CNTNAP5: variants seen among roughly 807,000 people sequenced by gnomAD.
CNTNAP5 encodes contactin-associated protein-like 5.
CNTNAP5 carries 72 observed loss-of-function variants against 150.2 expected under a neutral mutation model. The ratio of observed to expected loss-of-function variants is 0.48; its 90% CI spans 0.40 to 0.58. CNTNAP5 has a LOEUF of 0.58. Among genes scored for constraint, CNTNAP5 ranks in the 20% least tolerant of loss-of-function variants. The pLI is 0.00. For missense variants in CNTNAP5, 1,636 were observed against 1,626.2 expected, an observed-to-expected ratio of 1.01 and a Z score of -0.10; for synonymous variants, 672 against 619.8, an observed-to-expected ratio of 1.08 and a Z score of -1.25.
intron 10 of CNTNAP5, among the ~76,000 whole-genome samples, chr2:124,543,841 G>A (rs1235906226): frequency 6.6e-6 from 1 of 151,984 alleles, no homozygotes; most frequent in African/African-American, 2.4e-5. Flanking sequence ...GAATATAGAA[G>A]ATATATATTT....
chr2:124,121,039 A>G (rs749975911), intron 1 of CNTNAP5, among the ~76,000 whole-genome samples: 16 of 151,908 alleles, frequency 1.1e-4, no homozygotes, highest in Admixed American at 5.2e-4. Flanking sequence ...GATTTGGATC[A>G]CTCAGGAGGT....
intron 17 of CNTNAP5, among the ~76,000 whole-genome samples, chr2:124,788,879 C>T (rs901786708): frequency 1.3e-5 from 2 of 152,064 alleles, no homozygotes; most frequent in African/African-American, 2.4e-5. Context: ...ATGATCAGCC[C>T]GTCTTGGCCT....
chr2:124,880,965 G>T (rs1015382565), intron 21 of CNTNAP5, among the ~76,000 whole-genome samples: 1 of 152,196 alleles, frequency 6.6e-6, no homozygotes, highest in African/African-American at 2.4e-5. Flanking sequence ...GTGTGAACCA[G>T]GTAAGACTGT....
At chr2:124,663,476 G>A (rs1208431828) in intron 13 of CNTNAP5, among the ~76,000 whole-genome samples, 2 of 152,146 alleles carry the variant, frequency 1.3e-5, no homozygotes, top group Admixed American at 6.5e-5. Flanking sequence ...CAAAGTTGCC[G>A]ACACTGTAAA....
chr2:124,305,588 C>G (rs913764641), intron 3 of CNTNAP5, among the ~76,000 whole-genome samples: 1 of 152,142 alleles, frequency 6.6e-6, no homozygotes, highest in African/African-American at 2.4e-5. Flanking sequence ...CCCAGTGCAA[C>G]AGTGTTGAAA....
At chr2:124,429,726 A>G (rs1462918191) in intron 4 of CNTNAP5, among the ~76,000 whole-genome samples, 1 of 152,194 alleles carries the variant, frequency 6.6e-6, no homozygotes, top group Admixed American at 6.5e-5. Context: ...TGCACCAATA[A>G]GCATGTGTGA....
chr2:124,595,187 G>A (rs1265783576), intron 11 of CNTNAP5, among the ~76,000 whole-genome samples: 10 of 143,016 alleles, frequency 7.0e-5, no homozygotes, highest in South Asian at 2.4e-4. Flanking sequence ...GAATAGGAGC[G>A]GTGAGAGAGG....
chr2:124,570,009 A>T (rs1366371901), intron 11 of CNTNAP5, among the ~76,000 whole-genome samples: 1 of 152,198 alleles, frequency 6.6e-6, no homozygotes, highest in African/African-American at 2.4e-5. Flanking sequence ...CTTTGGTGGC[A>T]TATAGGCTAT....
intron 3 of CNTNAP5, among the ~76,000 whole-genome samples, chr2:124,386,477 G>A (rs1690929070): frequency 6.6e-6 from 1 of 152,238 alleles, no homozygotes; most frequent in South Asian, 2.1e-4. Flanking sequence ...TCATCAAGCA[G>A]TCTCTTCCAT....
chr2:124,839,717 T>G (rs1324216068), intron 19 of CNTNAP5, among the ~76,000 whole-genome samples: 1 of 151,990 alleles, frequency 6.6e-6, no homozygotes, highest in Non-Finnish European at 1.5e-5. Flanking sequence ...TGGGACAGAG[T>G]GAAAAGCCCT....
At chr2:124,567,661 T>C (rs1458318795) in intron 11 of CNTNAP5, among the ~76,000 whole-genome samples, 1 of 152,186 alleles carries the variant, frequency 6.6e-6, no homozygotes, top group African/African-American at 2.4e-5. Flanking sequence ...CAGAGACAGA[T>C]ACCATGGTTA....
At chr2:124,572,457 C>A (rs62172645) in intron 11 of CNTNAP5, among the ~76,000 whole-genome samples, 1 of 151,884 alleles carries the variant, frequency 6.6e-6, no homozygotes, top group African/African-American at 2.4e-5. Flanking sequence ...ACCCCCAAAC[C>A]GAAAATAAAA....
At chr2:124,574,205 G>T (rs1696226470) in intron 11 of CNTNAP5, among the ~76,000 whole-genome samples, 1 of 152,070 alleles carries the variant, frequency 6.6e-6, no homozygotes, top group South Asian at 2.1e-4. Context: ...GGGGGGACGG[G>T]GGATACTCCT....
intron 10 of CNTNAP5, among the ~76,000 whole-genome samples, chr2:124,530,810 G>A (rs982160230): frequency 3.3e-5 from 5 of 152,044 alleles, no homozygotes; most frequent in Admixed American, 6.6e-5. Flanking sequence ...CCCCTCTTCT[G>A]CAGGCCAAAC....
chr2:124,041,910 G>A (rs1482447521), intron 1 of CNTNAP5, among the ~76,000 whole-genome samples: 1 of 152,078 alleles, frequency 6.6e-6, no homozygotes, highest in African/African-American at 2.4e-5. Flanking sequence ...TGCCCAGGCT[G>A]GAGTGCAGTG....
intron 6 of CNTNAP5, among the ~76,000 whole-genome samples, chr2:124,451,621 G>A (rs564001609): frequency 2.0e-5 from 3 of 152,198 alleles, no homozygotes; most frequent in East Asian, 3.9e-4. Context: ...AACGACTGCA[G>A]TAATACATTA....
chr2:124,085,505 C>T (rs6761128), intron 1 of CNTNAP5, among the ~76,000 whole-genome samples: 56,998 of 151,592 alleles, frequency 0.38, 11,252 homozygotes, highest in Admixed American at 0.44. Flanking sequence ...CATTAATTTT[C>T]CTTTGTTATT....
At chr2:124,908,903 TAAAG>T (rs1386605228) in intron 22 of CNTNAP5, among the ~76,000 whole-genome samples, 2 of 152,032 alleles carry the variant, frequency 1.3e-5, no homozygotes, top group South Asian at 2.1e-4. Context: ...CAAAAGGATA[TAAAG>T]AAAGAAAATA....
intron 12 of CNTNAP5, among the ~76,000 whole-genome samples, chr2:124,629,207 G>GA (rs1677794363): frequency 6.6e-6 from 1 of 152,110 alleles, no homozygotes; most frequent in South Asian, 2.1e-4. Flanking sequence ...AGGCCAAGTG[G>GA]ACCTGATAGA....
Sources: allele counts gnomAD v4.1 joint callset (sites outside exome capture counted in the v4.1 genomes callset), GRCh38; gene constraint gnomAD v4.1.1; transcripts MANE v1.5; gene names NCBI Gene and HGNC (gene_info 2026-07-23, HGNC 2026-07-21).